EYS: variants seen among roughly 807,000 people sequenced by gnomAD.
The protein encoded by EYS is protein eyes shut homolog.
EYS carries 250 observed loss-of-function variants against 282.1 expected under a neutral mutation model. The ratio of observed to expected loss-of-function variants is 0.89; its 90% CI spans 0.80 to 0.98. The LOEUF is 0.98. EYS is among the 50% of genes least tolerant of loss of function. The pLI is 0.00. For missense variants in EYS, 4,016 were observed against 3,709.0 expected, an observed-to-expected ratio of 1.08 and a Z score of -2.15; for synonymous variants, 1,355 against 1,282.9, an observed-to-expected ratio of 1.06 and a Z score of -1.20.
At chr6:65,448,109 A>G (rs1422304531) in intron 5 of EYS, among the ~76,000 whole-genome samples, 2 of 152,010 alleles carry the variant, frequency 1.3e-5, no homozygotes, top group African/African-American at 4.8e-5. Context: ...GAAGTTAAAC[A>G]TCACTTGCCC....
At chr6:65,660,253 C>T in intron 1 of EYS, among the ~76,000 whole-genome samples, 1 of 151,674 alleles carries the variant, frequency 6.6e-6, no homozygotes, top group Non-Finnish European at 1.5e-5. Context: ...ACTTAGTGAT[C>T]CCCTGTTTTA....
intron 5 of EYS, among the ~76,000 whole-genome samples, chr6:65,425,224 T>C (rs1336835091): frequency 1.3e-5 from 2 of 152,118 alleles, no homozygotes; most frequent in Non-Finnish European, 2.9e-5. Flanking sequence ...ATTAAAATAC[T>C]TGAATTACAA....
At chr6:65,333,043 TTTA>T (rs1373430484) in intron 11 of EYS, among the ~76,000 whole-genome samples, 1 of 151,438 alleles carries the variant, frequency 6.6e-6, no homozygotes, top group Non-Finnish European at 1.5e-5. Context: ...TTTGATATTC[TTTA>T]TTGTTTATCT....
At chr6:65,460,814 A>G (rs904228710) in intron 5 of EYS, among the ~76,000 whole-genome samples, 1 of 152,078 alleles carries the variant, frequency 6.6e-6, no homozygotes, top group African/African-American at 2.4e-5. Context: ...GCTTCACACT[A>G]TATTATTAAA....
chr6:65,191,948 C>T (rs7741803), intron 12 of EYS, among the ~76,000 whole-genome samples: 3 of 146,036 alleles, frequency 2.1e-5, no homozygotes, highest in African/African-American at 2.5e-5. Context: ...TTCATTTGTA[C>T]TTTTTTTTTT....
At chr6:63,735,818 T>C (rs1356048186) in intron 41 of EYS, among the ~76,000 whole-genome samples, 1 of 151,910 alleles carries the variant, frequency 6.6e-6, no homozygotes, top group Non-Finnish European at 1.5e-5. Flanking sequence ...TTCTTCAATC[T>C]GGAACAGTTC....
intron 22 of EYS, among the ~76,000 whole-genome samples, chr6:64,731,445 A>C (rs1188779603): frequency 6.6e-6 from 1 of 152,256 alleles, no homozygotes; most frequent in Non-Finnish European, 1.5e-5. Flanking sequence ...CAGAATCTAC[A>C]AGGAACTTAA....
chr6:63,886,610 T>A (rs1773267089), intron 35 of EYS, among the ~76,000 whole-genome samples: 1 of 152,172 alleles, frequency 6.6e-6, no homozygotes, highest in Admixed American at 6.5e-5. Context: ...GCTAAAGAAG[T>A]TAGTTTCTGC....
intron 35 of EYS, among the ~76,000 whole-genome samples, chr6:63,928,590 A>G (rs1764793869): frequency 6.6e-6 from 1 of 152,116 alleles, no homozygotes; most frequent in African/African-American, 2.4e-5. Flanking sequence ...GGGCATGATA[A>G]TAAGTATATA....
chr6:64,999,036 G>T (rs1771368423), intron 13 of EYS, among the ~76,000 whole-genome samples: 1 of 152,010 alleles, frequency 6.6e-6, no homozygotes, highest in African/African-American at 2.4e-5. Flanking sequence ...GAAGTGTCTG[G>T]AAACAGATTG....
chr6:65,052,679 A>G (rs1773306882), intron 13 of EYS, among the ~76,000 whole-genome samples: 1 of 151,686 alleles, frequency 6.6e-6, no homozygotes, highest in African/African-American at 2.4e-5. Flanking sequence ...GTGAAAACTC[A>G]TTTTTACATA....
chr6:64,886,809 C>A lies in EYS; in HGVS notation c.2880G>T (p.Gly960=). 1 of 1,544,318 alleles carries A rather than the reference C, an allele frequency of 6.5e-7. No homozygotes were observed. Among genetic ancestry groups the A allele is most frequent in the Non-Finnish European group, 8.8e-7 (1 of 1,142,832 alleles). ...FFCNCEPEYH[G]PFCELDVNKC... is the part of the protein sequence containing the mutation. The stretch of plus-strand genomic sequence containing the variant: ...TATTTACATCAAGTTCACAGAAGGG[C>A]CCATGGTACTCAGGTTCACAATTAC... The change falls in exon 19 of 43, where the codon GGG becomes GGT. Residue 960 remains glycine (G), a synonymous_variant. Transcript: ENST00000503581.
chr6:65,612,956 T>C (rs1339426246), intron 2 of EYS, among the ~76,000 whole-genome samples: 1 of 151,838 alleles, frequency 6.6e-6, no homozygotes, highest in African/African-American at 2.4e-5. Flanking sequence ...TGAATTTTTC[T>C]TGAGCATTAC....
chr6:63,962,560 A>G (rs1381608308), intron 35 of EYS, among the ~76,000 whole-genome samples: 1 of 152,236 alleles, frequency 6.6e-6, no homozygotes, highest in Non-Finnish European at 1.5e-5. Context: ...CCACAGTGAG[A>G]TACCATCTCA....
At chr6:64,340,079 ACG>A (rs1771040545) in intron 29 of EYS, among the ~76,000 whole-genome samples, 1 of 151,686 alleles carries the variant, frequency 6.6e-6, no homozygotes, top group Non-Finnish European at 1.5e-5. Context: ...ACAAATAAAA[ACG>A]TATGCACATT....
At chr6:63,811,505 T>A (rs767385920) in intron 36 of EYS, among the ~76,000 whole-genome samples, 2 of 152,302 alleles carry the variant, frequency 1.3e-5, no homozygotes, top group Non-Finnish European at 2.9e-5. Flanking sequence ...TGACTGCTGC[T>A]CCTCATTCTC....
At chr6:64,673,373 C>T (rs764275423) in intron 22 of EYS, among the ~76,000 whole-genome samples, 10 of 152,048 alleles carry the variant, frequency 6.6e-5, no homozygotes, top group Non-Finnish European at 1.2e-4. Context: ...ACACTAACTC[C>T]TTCATCATGT....
At chr6:64,732,385 TC>T (rs1331008554) in intron 22 of EYS, among the ~76,000 whole-genome samples, 1 of 152,172 alleles carries the variant, frequency 6.6e-6, no homozygotes, top group East Asian at 1.9e-4. Context: ...CACTAGTGTT[TC>T]TACTGCCAAA....
At position 65,370,256 on chromosome 6, in the gene EYS, C is replaced by CTTT. The variant is rs35707502; in HGVS notation, c.1299+14127_1299+14129dup. ...CCTTTCTATTTCTTTCTTTCTCTCT[C>CTTT]TTTTTTTTTTTTTTTTGAAACAGGA... On this transcript the variant is annotated intron_variant, in intron 8 of 42. Transcript: ENST00000503581. 2.6e-3 allele frequency among the ~76,000 whole-genome samples: 327 copies of CTTT among 127,130 alleles called. 6 individuals carry two copies. The highest frequency in any genetic ancestry group is 9.0e-3 in the African/African-American group (304 of 33,722). 83.4% of individuals were successfully genotyped at this position (127,130 alleles called of 152,430 possible).
Sources: gnomAD v4.1 joint callset for allele counts (sites outside exome capture counted in the v4.1 genomes callset) on GRCh38, gnomAD v4.1.1 for gene constraint, MANE v1.5 for transcripts, NCBI Gene and HGNC (gene_info 2026-07-23, HGNC 2026-07-21) for gene names.